The following TMEM132D variants were observed in gnomAD, a reference collection of about 807,000 sequenced individuals.
The protein encoded by TMEM132D is transmembrane protein 132D.
A neutral mutation model predicts 62.3 loss-of-function variants in TMEM132D; 21 were observed. That is an observed-to-expected ratio of 0.34 (90% confidence interval 0.24 to 0.49). The LOEUF (loss-of-function observed/expected upper bound fraction) is 0.49, where lower values mean the gene tolerates loss of function less well. Among genes scored for constraint, TMEM132D ranks in the 20% least tolerant of loss-of-function variants. The pLI, the probability that TMEM132D is intolerant of heterozygous loss-of-function variation, is 0.99. For missense variants in TMEM132D, 1,346 were observed against 1,402.8 expected (o/e 0.96, Z 0.65); for synonymous variants, 621 against 575.6 (o/e 1.08, Z -1.13).
At chr12:129,717,904 C>G (rs1868649558) in intron 1 of TMEM132D, among the ~76,000 whole-genome samples, 1 of 152,170 alleles carries the variant, frequency 6.6e-6, no homozygotes, top group Non-Finnish European at 1.5e-5. Flanking sequence ...AGCTGAAGTC[C>G]AGTCTACATT....
At chr12:129,307,177 A>G (rs936301017) in intron 4 of TMEM132D, among the ~76,000 whole-genome samples, 1 of 152,018 alleles carries the variant, frequency 6.6e-6, no homozygotes, top group East Asian at 1.9e-4. Flanking sequence ...AAATGGGTGC[A>G]TATGTTAATG....
At chr12:129,735,188 G>A (rs958665464) in intron 1 of TMEM132D, among the ~76,000 whole-genome samples, 11 of 152,228 alleles carry the variant, frequency 7.2e-5, no homozygotes, top group South Asian at 4.2e-4. Context: ...GTTACATTCC[G>A]TATCGCAGTC....
At chr12:129,626,894 A>C (rs1879233047) in intron 2 of TMEM132D, among the ~76,000 whole-genome samples, 1 of 152,194 alleles carries the variant, frequency 6.6e-6, no homozygotes, top group African/African-American at 2.4e-5. Context: ...CCCAAAGTCC[A>C]TCGACTTGTA....
chr12:129,272,877 G>C (rs541652575), intron 4 of TMEM132D, among the ~76,000 whole-genome samples: 3 of 151,574 alleles, frequency 2.0e-5, no homozygotes, highest in Non-Finnish European at 4.4e-5. Flanking sequence ...CCAGGCCAAC[G>C]TGATGAAACC....
At chr12:129,254,004 G>T (rs898348007) in intron 4 of TMEM132D, among the ~76,000 whole-genome samples, 17 of 152,336 alleles carry the variant, frequency 1.1e-4, no homozygotes, top group African/African-American at 3.8e-4. Context: ...CCAGGCATAA[G>T]GATGCTGACT....
At chr12:129,714,669 C>G (rs1868507157) in intron 1 of TMEM132D, among the ~76,000 whole-genome samples, 1 of 152,202 alleles carries the variant, frequency 6.6e-6, no homozygotes, top group South Asian at 2.1e-4. Context: ...CATACTAAAA[C>G]ATCACACTGT....
At chr12:129,569,533 A>T (rs906655705) in intron 2 of TMEM132D, among the ~76,000 whole-genome samples, 2 of 152,330 alleles carry the variant, frequency 1.3e-5, no homozygotes, top group African/African-American at 2.4e-5. Flanking sequence ...GGCAAAGGCA[A>T]ATAAAGGCAT....
At chr12:129,272,992 T>A (rs755096106) in intron 4 of TMEM132D, among the ~76,000 whole-genome samples, 31 of 151,712 alleles carry the variant, frequency 2.0e-4, no homozygotes, top group Admixed American at 6.6e-4. Flanking sequence ...GGTCAGGAGT[T>A]CAAGACCACC....
chr12:129,106,617 T>C (rs752723848), intron 5 of TMEM132D, among the ~76,000 whole-genome samples: 1 of 152,082 alleles, frequency 6.6e-6, no homozygotes, highest in African/African-American at 2.4e-5. Context: ...TGGGAGAAGG[T>C]TGAGAATGAC....
intron 3 of TMEM132D, among the ~76,000 whole-genome samples, chr12:129,472,185 G>A (rs1874110825): frequency 6.6e-6 from 1 of 152,198 alleles, no homozygotes; most frequent in Admixed American, 6.5e-5. Context: ...CTGGAGAGGA[G>A]AAGTCAATAC....
intron 2 of TMEM132D, among the ~76,000 whole-genome samples, chr12:129,589,934 C>A (rs968827321): frequency 1.6e-4 from 24 of 152,082 alleles, no homozygotes; most frequent in African/African-American, 4.3e-4. Context: ...TGTTTTTACT[C>A]ACTCCCCTCT....
chr12:129,816,299 A>T (rs1364813179), intron 1 of TMEM132D, among the ~76,000 whole-genome samples: 2 of 152,246 alleles, frequency 1.3e-5, no homozygotes, highest in East Asian at 3.8e-4. Context: ...ATTATCATTT[A>T]TTACAATGTG....
At chr12:129,580,699 T>C (rs1185607839) in intron 2 of TMEM132D, among the ~76,000 whole-genome samples, 1 of 147,850 alleles carries the variant, frequency 6.8e-6, no homozygotes. Flanking sequence ...TGATAATCCA[T>C]CTCAAAAATA....
intron 7 of TMEM132D, among the ~76,000 whole-genome samples, chr12:129,080,757 C>G (rs1414397848): frequency 1.3e-5 from 2 of 152,200 alleles, no homozygotes; most frequent in African/African-American, 2.4e-5. Flanking sequence ...AACAAAGCTG[C>G]ACTTGCACCC....
chr12:129,626,425 A>G (rs1262790129), intron 2 of TMEM132D, among the ~76,000 whole-genome samples: 2 of 152,044 alleles, frequency 1.3e-5, no homozygotes, highest in Non-Finnish European at 2.9e-5. Context: ...GTATTTGCAT[A>G]CTACTCAATT....
intron 4 of TMEM132D, among the ~76,000 whole-genome samples, chr12:129,293,058 T>A (rs78995496): frequency 6.6e-6 from 1 of 152,076 alleles, no homozygotes. Flanking sequence ...CCCAGGGATG[T>A]GGAGGGTATC....
chr12:129,435,919 G>C (rs145169509), intron 3 of TMEM132D, among the ~76,000 whole-genome samples: 1 of 152,026 alleles, frequency 6.6e-6, no homozygotes, highest in Non-Finnish European at 1.5e-5. Flanking sequence ...ATTTTCCAGC[G>C]TCCCTTGTAG....
intron 4 of TMEM132D, among the ~76,000 whole-genome samples, chr12:129,229,128 G>C (rs1879566201): frequency 6.6e-6 from 1 of 152,226 alleles, no homozygotes; most frequent in Non-Finnish European, 1.5e-5. Flanking sequence ...ACGTTGTCCA[G>C]TTCCAACAAC....
chr12:129,782,350 C>T (rs914239380), intron 1 of TMEM132D, among the ~76,000 whole-genome samples: 1 of 152,084 alleles, frequency 6.6e-6, no homozygotes, highest in African/African-American at 2.4e-5. Context: ...AATTGGAAAC[C>T]TTGGTTTGGA....
Sources: gnomAD v4.1 joint callset for allele counts (sites outside exome capture counted in the v4.1 genomes callset) on GRCh38, gnomAD v4.1.1 for gene constraint, MANE v1.5 for transcripts, NCBI Gene and HGNC (gene_info 2026-07-23, HGNC 2026-07-21) for gene names.